Variants in RNF152 observed in about 807,000 individuals in gnomAD.
The protein encoded by RNF152 is E3 ubiquitin-protein ligase RNF152.
RNF152 carries 11 observed loss-of-function variants against 12.7 expected under a neutral mutation model. That is an observed-to-expected ratio of 0.86 (90% CI 0.54 to 1.43). The LOEUF is 1.43. Ranked by LOEUF, RNF152 falls within the 40% of genes most tolerant of loss-of-function variation. The pLI is 0.00. For synonymous variants in RNF152, 113 were observed against 120.3 expected, an observed-to-expected ratio of 0.94 and a Z score of 0.40; for missense variants, 255 against 274.8, an observed-to-expected ratio of 0.93 and a Z score of 0.51.
In RNF152 at chr18:61,816,033, C is replaced by T. The variant is rs774112342; in HGVS notation, c.431G>A (p.Gly144Asp). The T allele has an allele frequency of 4.3e-6, 7 of 1,614,120 alleles. No homozygotes were observed. In the African/African-American group the frequency reaches 8.0e-5, roughly 18 times the overall value. Residue 144 changes from glycine to aspartate, a missense_variant, in exon 2 of 2, where the codon GGT (glycine) becomes GAT (aspartate). By Grantham distance (94) the Gly-to-Asp change is moderately conservative (BLOSUM62 -1). Coordinates refer to ENST00000312828, the MANE Select transcript of RNF152 (RefSeq NM_173557.3). The part of the protein sequence containing the change: ...TIPAEQQPLQ[G>D]GAPQEAVEEE... ...CTCCACCGCCTCCTGGGGAGCCCCACCTTGCAGAGGCTGCTGTTCAGCAGG... is the reference window on the plus strand; with the variant it reads ...CTCCACCGCCTCCTGGGGAGCCCCATCTTGCAGAGGCTGCTGTTCAGCAGG...
At chr18:61,849,101 G>A (rs73458440) in intron 1 of RNF152, among the ~76,000 whole-genome samples, 5,050 of 152,224 alleles carry the variant, frequency 0.033, 290 homozygotes, top group African/African-American at 0.11. Context: ...GTGTCAACCC[G>A]TACTATGACT....
chr18:61,829,635 G>A (rs1395225896), intron 1 of RNF152, among the ~76,000 whole-genome samples: 1 of 151,838 alleles, frequency 6.6e-6, no homozygotes, highest in Non-Finnish European at 1.5e-5. Flanking sequence ...GCGGTTGAAG[G>A]GGAGTGAAGA....
Position 61,815,469 on chromosome 18 carries a change from A to G in RNF152, c.*383T>C, listed in dbSNP as rs1273719893. The G allele has an allele frequency of 6.0e-6, 1 of 167,126 alleles. No homozygotes were observed. The highest frequency in any genetic ancestry group is 2.4e-5 in the African/African-American group (1 of 41,942). 10.4% of individuals were successfully genotyped at this position (167,126 alleles called of 1,614,324 possible). A position where few individuals can be genotyped will look rare whatever the true frequency, so the allele number is the denominator to read the frequency against. On this transcript the variant is annotated 3_prime_UTR_variant, in exon 2 of 2. Transcript: ENST00000312828. ...CAGGTTTAATTCTACTTGTCTACAG[A>G]GCATCTTTGTTTGAATCTACCGCAT...
At chr18:61,839,054 CAAAA>C (rs35125130) in intron 1 of RNF152, among the ~76,000 whole-genome samples, 10 of 127,756 alleles carry the variant, frequency 7.8e-5, no homozygotes, top group Non-Finnish European at 6.5e-5. Flanking sequence ...ACTCTGTGGC[CAAAA>C]AAAAAAAAAA....
rs2144601088 is a variant in RNF152, at chr18:61,812,458, T to G, written c.*3394A>C. On this transcript the variant is annotated 3_prime_UTR_variant, in exon 2 of 2. Transcript: ENST00000312828. ...TAATTCTATTTTTAAAGAAAACATC[T>G]TAGAGCTTTCTGATCATTAAGTATG... The G allele has an allele frequency of 6.6e-6, 1 of 152,278 alleles. No individual in the cohort carries two copies. Among genetic ancestry groups the G allele is most frequent in the Admixed American group, 6.5e-5 (1 of 15,298 alleles). The allele number at this position is 152,278 out of a possible 1,614,324, so 9.4% of individuals were successfully genotyped here. A position where few individuals can be genotyped will look rare whatever the true frequency, so the allele number is the denominator to read the frequency against.
chr18:61,852,464 T>C (rs1911028483), intron 1 of RNF152, among the ~76,000 whole-genome samples: 1 of 152,232 alleles, frequency 6.6e-6, no homozygotes, highest in African/African-American at 2.4e-5. Flanking sequence ...GCATCGCTCA[T>C]ACACTGATCT....
At chr18:61,821,319 G>A (rs1034670964) in intron 1 of RNF152, among the ~76,000 whole-genome samples, 1 of 152,142 alleles carries the variant, frequency 6.6e-6, no homozygotes, top group African/African-American at 2.4e-5. Flanking sequence ...GGCCTTACAA[G>A]CCATTTTGAC....
chr18:61,834,353 C>G (rs749458525), intron 1 of RNF152, among the ~76,000 whole-genome samples: 3 of 152,224 alleles, frequency 2.0e-5, no homozygotes, highest in Non-Finnish European at 2.9e-5. Context: ...GAAGCTTTCC[C>G]GTTCCCCTCC....
At chr18:61,888,576 C>T (rs766391552) in intron 1 of RNF152, 20 of 152,278 alleles carry the variant, frequency 1.3e-4, no homozygotes, top group Non-Finnish European at 2.5e-4. Context: ...TAGGCTAATG[C>T]GCATTTCTGG....
chr18:61,827,779 A>G (rs537816708), intron 1 of RNF152, among the ~76,000 whole-genome samples: 19 of 152,328 alleles, frequency 1.2e-4, no homozygotes, highest in Non-Finnish European at 2.2e-4. Flanking sequence ...TAAGCACTGC[A>G]GGGAGTCAGC....
chr18:61,854,847 C>A (rs1462570452), intron 1 of RNF152, among the ~76,000 whole-genome samples: 6 of 152,098 alleles, frequency 3.9e-5, no homozygotes, highest in Non-Finnish European at 8.8e-5. Context: ...TTCAACCTGA[C>A]GTGAAAATAG....
chr18:61,834,994 G>T (rs1910117807), intron 1 of RNF152, among the ~76,000 whole-genome samples: 1 of 152,158 alleles, frequency 6.6e-6, no homozygotes, highest in African/African-American at 2.4e-5. Context: ...TCAATTGAGG[G>T]TTGAGAGTCA....
intron 1 of RNF152, among the ~76,000 whole-genome samples, chr18:61,831,552 G>C (rs578237557): frequency 6.6e-6 from 1 of 152,230 alleles, no homozygotes; most frequent in East Asian, 1.9e-4. Context: ...ACTGAAATGT[G>C]AGGTTATGGA....
At chr18:61,851,535 T>C (rs895461980) in intron 1 of RNF152, among the ~76,000 whole-genome samples, 1 of 152,164 alleles carries the variant, frequency 6.6e-6, no homozygotes, top group Non-Finnish European at 1.5e-5. Context: ...GGGTATCTTA[T>C]TTGCCCATTT....
intron 1 of RNF152, among the ~76,000 whole-genome samples, chr18:61,817,904 T>G (rs901134525): frequency 1.3e-5 from 2 of 152,166 alleles, no homozygotes; most frequent in Non-Finnish European, 2.9e-5. Context: ...TATGTGTCCC[T>G]GGATGGAGCC....
At chr18:61,854,211 T>C (rs560429983) in intron 1 of RNF152, among the ~76,000 whole-genome samples, 1 of 152,290 alleles carries the variant, frequency 6.6e-6, no homozygotes, top group South Asian at 2.1e-4. Flanking sequence ...TCTCAGCCAA[T>C]GCACAGCAAA....
chr18:61,825,438 T>C (rs1909614564), intron 1 of RNF152, among the ~76,000 whole-genome samples: 1 of 152,188 alleles, frequency 6.6e-6, no homozygotes, highest in Non-Finnish European at 1.5e-5. Context: ...CCCACTGTTC[T>C]TTCCACTCCA....
upstream of RNF152, chr18:61,894,199 C>G (rs1913113401): frequency 6.6e-6 from 1 of 151,754 alleles, no homozygotes; most frequent in South Asian, 2.1e-4. This position sits in a 1 kb window ranked among gnomAD's most constrained non-coding sequence, Gnocchi z 4.9. Context: ...GCGGCGGCGG[C>G]GACAGCATCG....
rs768297669 is a variant in RNF152 at position 61,808,753 on chromosome 18, T to C, written c.*7099A>G. 1.3e-5 allele frequency: 2 copies of C among 152,200 alleles called. No homozygotes were observed. Among genetic ancestry groups the C allele is most frequent in the African/African-American group, 2.4e-5 (1 of 41,438 alleles). 9.4% of individuals were successfully genotyped at this position (152,200 alleles called of 1,614,324 possible). On this transcript the variant is annotated 3_prime_UTR_variant, in exon 2 of 2. Coordinates refer to ENST00000312828, the MANE Select transcript of RNF152 (RefSeq NM_173557.3). ...ACTCATTTTCCCAACAGTACTGACA[T>C]ACTCAAGTCAGGATAGATCCACAGG...
Sources: allele counts gnomAD v4.1 joint callset (sites outside exome capture counted in the v4.1 genomes callset), GRCh38; gene constraint gnomAD v4.1.1; non-coding constraint Gnocchi (gnomAD v3.1); transcripts MANE v1.5; gene names NCBI Gene and HGNC (gene_info 2026-07-23, HGNC 2026-07-21).